GOLM2: variants seen among roughly 807,000 people sequenced by gnomAD.
GOLM2 encodes protein GOLM2.
GOLM2 carries 26 observed loss-of-function variants against 55.9 expected under a neutral mutation model. The ratio of observed to expected loss-of-function variants is 0.47; its 90% CI spans 0.34 to 0.65. The LOEUF is 0.65. Ranked by LOEUF, GOLM2 falls within the 30% of genes least tolerant of loss-of-function variation. GOLM2 has a pLI of 0.01. For missense variants in GOLM2, 486 were observed against 531.8 expected, an observed-to-expected ratio of 0.91 and a Z score of 0.85; for synonymous variants, 165 against 194.6, an observed-to-expected ratio of 0.85 and a Z score of 1.27.
chr15:44,413,018 A>G (rs781048351), intron 9 of GOLM2, among the ~76,000 whole-genome samples: 1 of 151,514 alleles, frequency 6.6e-6, no homozygotes, highest in African/African-American at 2.4e-5. Flanking sequence ...AAAAAAAAAG[A>G]CTACATTTAT....
At chr15:44,311,814 T>G (rs1353051850) in intron 1 of GOLM2, among the ~76,000 whole-genome samples, 2 of 152,100 alleles carry the variant, frequency 1.3e-5, no homozygotes. Flanking sequence ...CATGCCTGGC[T>G]AATTTTTGTA....
At chr15:44,369,067 TTATATATATA>T (rs58317520) in intron 6 of GOLM2, among the ~76,000 whole-genome samples, 310 of 22,968 alleles carry the variant, frequency 0.013, 8 homozygotes, top group East Asian at 0.036. Flanking sequence ...ATAGGATATA[TTATATATATA>T]TATATATATA....
intron 8 of GOLM2, among the ~76,000 whole-genome samples, chr15:44,394,354 C>G (rs1038160799): frequency 2.6e-5 from 4 of 152,008 alleles, no homozygotes; most frequent in Admixed American, 2.0e-4. Context: ...TTCATCATTG[C>G]GAACATCATA....
At chr15:44,354,634 G>A (rs2079186015) in intron 6 of GOLM2, 1 of 152,670 alleles carries the variant, frequency 6.6e-6, no homozygotes, top group African/African-American at 2.4e-5. Context: ...GTGTGATAAA[G>A]GACACAGCAG....
rs1167770004 is a variant in GOLM2, at chr15:44,378,426, C to G, written c.803-1264C>G. Among the ~76,000 whole-genome samples, 3 of 149,438 alleles carry G rather than the reference C, an allele frequency of 2.0e-5. No individual in the cohort carries two copies. In the East Asian group the frequency reaches 5.9e-4, roughly 29 times the overall value. ...AGGCCGCAGTGCAGTGGCCTGATCT[C>G]AGCTCACTGCAACCTCCACCTCCCA... is the stretch of plus-strand genomic sequence containing the variant. On this transcript the variant is annotated intron_variant, in intron 6 of 9. Coordinates refer to ENST00000299957, the MANE Select transcript of GOLM2 (RefSeq NM_138423.4).
chr15:44,342,025 G>C (rs1379440493), intron 6 of GOLM2, among the ~76,000 whole-genome samples: 1 of 151,952 alleles, frequency 6.6e-6, no homozygotes, highest in African/African-American at 2.4e-5. Flanking sequence ...AGAATGAATA[G>C]CGCTACTTTT....
intron 6 of GOLM2, among the ~76,000 whole-genome samples, chr15:44,351,924 GAC>G (rs1008015745): frequency 3.9e-5 from 6 of 152,018 alleles, no homozygotes; most frequent in Non-Finnish European, 7.4e-5. Context: ...AATTGAAGAG[GAC>G]ACACACACAA....
At chr15:44,407,943 G>C (rs1183186259) in intron 9 of GOLM2, among the ~76,000 whole-genome samples, 1 of 151,014 alleles carries the variant, frequency 6.6e-6, no homozygotes, top group Non-Finnish European at 1.5e-5. Context: ...CAAGAGACAG[G>C]GTTTCACCAT....
At chr15:44,353,066 TA>T (rs1460236242) in intron 6 of GOLM2, among the ~76,000 whole-genome samples, 6 of 152,022 alleles carry the variant, frequency 3.9e-5, no homozygotes, top group Admixed American at 3.9e-4. Flanking sequence ...AGTTAGAAAA[TA>T]GACAAAAGGT....
At chr15:44,391,123 CT>C (rs2079485256) in intron 8 of GOLM2, among the ~76,000 whole-genome samples, 1 of 152,094 alleles carries the variant, frequency 6.6e-6, no homozygotes, top group Non-Finnish European at 1.5e-5. Context: ...TCAAAAGAGA[CT>C]GGTAAAAGTT....
At chr15:44,316,742 G>A (rs373147384) in intron 1 of GOLM2, among the ~76,000 whole-genome samples, 2 of 147,758 alleles carry the variant, frequency 1.4e-5, no homozygotes, top group East Asian at 4.1e-4. Flanking sequence ...GCAACAGAGT[G>A]AGACTCTGTC....
intron 7 of GOLM2, among the ~76,000 whole-genome samples, 182 bp from the exon 8 acceptor site, chr15:44,380,624 A>G (rs892323966): frequency 7.3e-5 from 11 of 151,694 alleles, no homozygotes; most frequent in Non-Finnish European, 1.2e-4. Context: ...CTAAAATCAC[A>G]TTGGTTATAA....
chr15:44,396,289 T>C (rs1053548295), intron 8 of GOLM2, among the ~76,000 whole-genome samples: 2 of 151,778 alleles, frequency 1.3e-5, no homozygotes, highest in Non-Finnish European at 2.9e-5. Flanking sequence ...ACCCAGGAAA[T>C]GGAGGTTGTG....
intron 6 of GOLM2, among the ~76,000 whole-genome samples, chr15:44,358,873 C>T (rs958079550): frequency 6.6e-6 from 1 of 152,160 alleles, no homozygotes; most frequent in Admixed American, 6.5e-5. Context: ...TTAGAAACTT[C>T]TGGCCGGGCA....
At chr15:44,376,470 A>G (rs1447583625) in intron 6 of GOLM2, among the ~76,000 whole-genome samples, 1 of 151,968 alleles carries the variant, frequency 6.6e-6, no homozygotes, top group Non-Finnish European at 1.5e-5. Context: ...CTTGCTAGGT[A>G]CCCCTGGGCT....
Position 44,355,248 on chromosome 15 carries a change from T to C in GOLM2, c.802+16931T>C, listed in dbSNP as rs2079189942. The C allele has an allele frequency of 3.8e-5, 6 of 158,822 alleles. No homozygotes were observed. In the South Asian group the frequency reaches 1.1e-3, roughly 28 times the overall value. The allele number at this position is 158,822 out of a possible 1,614,324, so 9.8% of individuals were successfully genotyped here. A position where few individuals can be genotyped will look rare whatever the true frequency, so the allele number is the denominator to read the frequency against. Reference sequence around the variant, plus strand: ...CTATCACTGCCACCCAGGAGACCTATGGATGGCTTTTCTGGGAAACTGTGA... The same window carrying C: ...CTATCACTGCCACCCAGGAGACCTACGGATGGCTTTTCTGGGAAACTGTGA... On this transcript the variant is annotated intron_variant, in intron 6 of 9. Coordinates refer to ENST00000299957, the MANE Select transcript of GOLM2 (RefSeq NM_138423.4).
chr15:44,382,973 A>C (rs1186152063), intron 8 of GOLM2, among the ~76,000 whole-genome samples: 4 of 150,966 alleles, frequency 2.6e-5, no homozygotes, highest in Admixed American at 2.0e-4. Context: ...CCCTCACTCC[A>C]TATTATTTTC....
At chr15:44,391,495 C>G (rs543634825) in intron 8 of GOLM2, among the ~76,000 whole-genome samples, 3 of 147,116 alleles carry the variant, frequency 2.0e-5, no homozygotes, top group Admixed American at 6.9e-5. Context: ...CCAGCCTGGG[C>G]GACAAAGTGA....
At chr15:44,399,286 G>A (rs2079549616) in intron 8 of GOLM2, among the ~76,000 whole-genome samples, 1 of 152,230 alleles carries the variant, frequency 6.6e-6, no homozygotes, top group African/African-American at 2.4e-5. Context: ...TAACTTGATT[G>A]GCAACTCTGT....
Sources: allele counts gnomAD v4.1 joint callset (sites outside exome capture counted in the v4.1 genomes callset), GRCh38; gene constraint gnomAD v4.1.1; transcripts MANE v1.5; gene names NCBI Gene and HGNC (gene_info 2026-07-23, HGNC 2026-07-21).